NLRP14: variants seen among roughly 807,000 people sequenced by gnomAD.
NLRP14 encodes NACHT, LRR and PYD domains-containing protein 14.
NLRP14 carries 105 observed loss-of-function variants against 94.7 expected under a neutral mutation model. The observed-to-expected ratio is 1.11, with a 90% CI of 0.95 to 1.30. NLRP14 has a LOEUF of 1.30. NLRP14 is among the 50% of genes most tolerant of loss of function. The probability of loss-of-function intolerance (pLI) is 0.00; values close to 1 mark genes in which losing one functional copy is unlikely to be tolerated. For missense variants in NLRP14, 1,362 were observed against 1,254.1 expected, an observed-to-expected ratio of 1.09 and a Z score of -1.30; for synonymous variants, 508 against 459.9, an observed-to-expected ratio of 1.10 and a Z score of -1.34.
the NLRP14 span, among the ~76,000 whole-genome samples, chr11:7,086,909 T>C: frequency 6.6e-6 from 1 of 152,112 alleles, no homozygotes; most frequent in Non-Finnish European, 1.5e-5. Flanking sequence ...ACAATAACCA[T>C]GGAAGTTAAG....
At chr11:7,039,508 G>A (rs1006165252) in intron 2 of NLRP14, among the ~76,000 whole-genome samples, 6 of 152,060 alleles carry the variant, frequency 3.9e-5, no homozygotes, top group Non-Finnish European at 8.8e-5. Context: ...ATGGCAAGAG[G>A]TCTCCTACTT....
chr11:7,075,454 G>T (rs961814541), downstream of NLRP14, among the ~76,000 whole-genome samples: 5 of 152,232 alleles, frequency 3.3e-5, no homozygotes, highest in African/African-American at 9.6e-5. Context: ...CATTGAAAAG[G>T]CGTTTAATAA....
chr11:7,029,981 G>T (rs1852068950), intron 1 of NLRP14, among the ~76,000 whole-genome samples: 1 of 152,144 alleles, frequency 6.6e-6, no homozygotes, highest in African/African-American at 2.4e-5. Context: ...CTCCTCCTTT[G>T]CCAATAACGC....
chr11:7,070,561 G>C (rs1852779346), intron 11 of NLRP14, 105 bp downstream of exon 11: 1 of 762,718 alleles, frequency 1.3e-6, no homozygotes, highest in Admixed American at 2.1e-5. Context: ...TGTATCATTG[G>C]GTATTTTCTA....
At chr11:7,087,034 C>T in the NLRP14 span, among the ~76,000 whole-genome samples, 1 of 96,324 alleles carries the variant, frequency 1.0e-5, no homozygotes, top group Admixed American at 1.0e-4. Context: ...ACAGGTAGAC[C>T]TCAGATAAGA....
chr11:7,074,983 G>A (rs889763635), downstream of NLRP14, among the ~76,000 whole-genome samples: 2 of 152,142 alleles, frequency 1.3e-5, no homozygotes, highest in South Asian at 2.1e-4. Context: ...TGTCTTTTTG[G>A]TGCACCTGGG....
intron 10 of NLRP14, among the ~76,000 whole-genome samples, chr11:7,066,028 G>A (rs1302197685): frequency 1.3e-5 from 2 of 152,126 alleles, no homozygotes; most frequent in Non-Finnish European, 2.9e-5. Context: ...TCCCTGCAAA[G>A]GACATGAACT....
In NLRP14 at chr11:7,042,507, C is replaced by G; in HGVS notation, c.481C>G (p.Leu161Val). ...TGGAATTGCAGAGAAAGATAGAAAA[C>G]TGTTGGAACACTTGTTCGATGTGGA... ...HHGIAEKDRK[L>V]LEHLFDVDVK... The change falls in exon 4 of 12, where the codon CTG becomes GTG. Residue 161 changes from leucine (L) to valine (V), a missense_variant. By Grantham distance (32) the Leu-to-Val change is conservative. Coordinates refer to ENST00000299481, the MANE Select transcript of NLRP14 (RefSeq NM_176822.4). 6.2e-7 allele frequency: 1 copy of G among 1,614,142 alleles called. No individual in the cohort carries two copies. Among genetic ancestry groups the G allele is most frequent in the Non-Finnish European group, 8.5e-7 (1 of 1,179,964 alleles).
the NLRP14 span, among the ~76,000 whole-genome samples, chr11:7,083,145 C>G: frequency 1.3e-5 from 2 of 152,332 alleles, no homozygotes; most frequent in South Asian, 4.1e-4. Flanking sequence ...CACTCCCTAT[C>G]CTGCTGATCT....
intron 3 of NLRP14, among the ~76,000 whole-genome samples, chr11:7,040,198 A>C (rs1370792203): frequency 6.6e-6 from 1 of 152,186 alleles, no homozygotes; most frequent in Non-Finnish European, 1.5e-5. Context: ...AGGTCTTCTC[A>C]GTCATAGTTA....
At chr11:7,033,936 A>G (rs576252295) in intron 1 of NLRP14, among the ~76,000 whole-genome samples, 3 of 152,356 alleles carry the variant, frequency 2.0e-5, no homozygotes, top group Admixed American at 6.5e-5. Flanking sequence ...CACAGTATCA[A>G]TAGCACATAC....
chr11:7,079,966 G>C, the NLRP14 span, among the ~76,000 whole-genome samples: 1 of 152,108 alleles, frequency 6.6e-6, no homozygotes, highest in Non-Finnish European at 1.5e-5. Flanking sequence ...GTAATTGACA[G>C]CATGGGTAGC....
At chr11:7,089,172 G>A in the NLRP14 span, 14 of 1,614,038 alleles carry the variant, frequency 8.7e-6, no homozygotes, top group Admixed American at 2.0e-4. Flanking sequence ...CCTCAACCTC[G>A]AAACCGACGA....
rs78372036 is a variant in NLRP14, at chr11:7,069,112, A to G, written c.2976-1174A>G. ...GCAGTTCTGTTCGTTTCTGTCTTCTATATTTTGAGACTATAATTTGTGACT... is the reference window on the plus strand; with the variant it reads ...GCAGTTCTGTTCGTTTCTGTCTTCTGTATTTTGAGACTATAATTTGTGACT... On this transcript the variant is annotated intron_variant, in intron 10 of 11. Coordinates refer to ENST00000299481, the MANE Select transcript of NLRP14 (RefSeq NM_176822.4). 6.6e-5 allele frequency among the ~76,000 whole-genome samples: 10 copies of G among 152,264 alleles called. No individual in the cohort carries two copies. The East Asian group carries it at 1.9e-3, about 29-fold the overall frequency.
the NLRP14 span, chr11:7,089,350 A>G: frequency 1.2e-6 from 2 of 1,607,010 alleles, no homozygotes; most frequent in Admixed American, 1.7e-5. Flanking sequence ...CTGGATGGTA[A>G]GGCCATCAAG....
At chr11:7,046,062 T>C (rs1024006229) in intron 4 of NLRP14, among the ~76,000 whole-genome samples, 1 of 152,162 alleles carries the variant, frequency 6.6e-6, no homozygotes, top group Non-Finnish European at 1.5e-5. Flanking sequence ...TTATTGATAA[T>C]ATTCCTAATA....
At position 7,071,311 on chromosome 11, in the gene NLRP14, T is replaced by G; in HGVS notation, c.*3T>G. On this transcript the variant is annotated 3_prime_UTR_variant, in exon 12 of 12. Transcript: ENST00000299481. ...TGTCTTGGTGGTGGTGTTTCTGATT[T>G]GAAGAAACTGACATTCCTTTAAAAA... The G allele has an allele frequency of 6.2e-7, 1 of 1,609,330 alleles. No individual in the cohort carries two copies. Among genetic ancestry groups the G allele is most frequent in the South Asian group, 1.1e-5 (1 of 90,936 alleles).
At chr11:7,070,528 A>G in intron 11 of NLRP14, 72 bp downstream of exon 11, 1 of 1,054,810 alleles carries the variant, frequency 9.5e-7, no homozygotes, top group South Asian at 1.3e-5. Flanking sequence ...TCATTAATAC[A>G]GGCCTCAGAA....
intron 9 of NLRP14, among the ~76,000 whole-genome samples, chr11:7,060,923 T>A (rs1266499305): frequency 6.6e-6 from 1 of 152,064 alleles, no homozygotes; most frequent in Non-Finnish European, 1.5e-5. Flanking sequence ...TTAATGACTG[T>A]ATGGTATTTA....
Sources: allele counts gnomAD v4.1 joint callset (sites outside exome capture counted in the v4.1 genomes callset), GRCh38; gene constraint gnomAD v4.1.1; transcripts MANE v1.5; gene names NCBI Gene and HGNC (gene_info 2026-07-23, HGNC 2026-07-21).